The following LAMA4 variants were observed in gnomAD, a reference collection of about 807,000 sequenced individuals.
LAMA4 encodes laminin subunit alpha-4.
LAMA4 carries 127 observed loss-of-function variants against 207.1 expected under a neutral mutation model. The ratio of observed to expected loss-of-function variants is 0.61; its 90% CI spans 0.53 to 0.71. The LOEUF (loss-of-function observed/expected upper bound fraction) is 0.71, where lower values mean the gene tolerates loss of function less well. Among genes scored for constraint, LAMA4 ranks in the 30% least tolerant of loss-of-function variants. The probability of loss-of-function intolerance (pLI) is 0.00; values close to 1 mark genes in which losing one functional copy is unlikely to be tolerated. For synonymous variants in LAMA4, 761 were observed against 816.0 expected (o/e 0.93, Z 1.15); for missense variants, 2,093 against 2,246.5 (o/e 0.93, Z 1.38).
At chr6:112,205,451 T>A (rs541932807) in intron 4 of LAMA4, among the ~76,000 whole-genome samples, 1 of 151,196 alleles carries the variant, frequency 6.6e-6, no homozygotes, top group East Asian at 2.0e-4. Context: ...TGACTTCAAA[T>A]CCCATGGAAA....
chr6:112,201,594 T>C lies in LAMA4; in HGVS notation c.503+14A>G. On this transcript the variant is annotated intron_variant, in intron 5 of 38. Coordinates refer to ENST00000230538, the MANE Select transcript of LAMA4 (RefSeq NM_001105206.3). ...TTTGACCCACACAGAAAATAGAGAA[T>C]TTTATTGGCTTACCTTTCACAGTTA... 6.2e-7 allele frequency: 1 copy of C among 1,608,842 alleles called. No individual in the cohort carries two copies. Among genetic ancestry groups the C allele is most frequent in the Non-Finnish European group, 8.5e-7 (1 of 1,175,222 alleles).
intron 12 of LAMA4, among the ~76,000 whole-genome samples, chr6:112,169,643 C>T (rs1292619499): frequency 1.1e-4 from 16 of 152,204 alleles, no homozygotes; most frequent in Admixed American, 6.5e-4. Context: ...AATTCCTCAA[C>T]GCTATGCTGT....
intron 4 of LAMA4, among the ~76,000 whole-genome samples, chr6:112,203,493 G>A (rs906583679): frequency 3.3e-5 from 5 of 152,160 alleles, no homozygotes; most frequent in African/African-American, 1.2e-4. Context: ...AAGAGGCAAT[G>A]GGCATTTGAT....
intron 19 of LAMA4, 143 bp from the exon 20 acceptor site, chr6:112,142,435 G>A: frequency 2.5e-6 from 2 of 798,252 alleles, no homozygotes. Context: ...TCCCCTAGTT[G>A]AAGAGAAGAC....
At position 112,139,222 on chromosome 6, in the gene LAMA4, C is replaced by T; in HGVS notation, c.3180G>A (p.Val1060=). 1 of 1,614,184 alleles carries T rather than the reference C, an allele frequency of 6.2e-7. No individual in the cohort carries two copies. Among genetic ancestry groups the T allele is most frequent in the Non-Finnish European group, 8.5e-7 (1 of 1,180,004 alleles). ...YFFDGSGYAV[V]RDITRRGKFG... is the part of the protein sequence containing the mutation. ...ATTTCCCTCTCCTTGTGATGTCTCT[C>T]ACCACGGCATAACCGGAGCCATCGA... The change falls in exon 24 of 39, where the codon GTG becomes GTA. Residue 1060 remains valine (V), a synonymous_variant. Coordinates refer to ENST00000230538, the MANE Select transcript of LAMA4 (RefSeq NM_001105206.3).
At chr6:112,224,955 T>C (rs1267412712) in intron 2 of LAMA4, among the ~76,000 whole-genome samples, 1 of 151,486 alleles carries the variant, frequency 6.6e-6, no homozygotes. Flanking sequence ...TTTTTTTAAT[T>C]TAATTTTTTT....
At chr6:112,110,614 A>G (rs1777637607) in intron 38 of LAMA4, among the ~76,000 whole-genome samples, 2 of 152,246 alleles carry the variant, frequency 1.3e-5, no homozygotes, top group Admixed American at 6.5e-5. Context: ...TTGTCTCTAG[A>G]TTAGTGTGAC....
intron 9 of LAMA4, 130 bp from the exon 10 acceptor site, chr6:112,178,362 C>T: frequency 1.4e-6 from 1 of 698,832 alleles, no homozygotes; most frequent in South Asian, 1.6e-5. Context: ...AGTTCTATAA[C>T]ACATGAAATC....
intron 2 of LAMA4, among the ~76,000 whole-genome samples, chr6:112,226,114 C>G (rs1475269605): frequency 1.3e-5 from 2 of 152,110 alleles, no homozygotes; most frequent in Non-Finnish European, 2.9e-5. Context: ...TGGTGTTTCT[C>G]TCTCGGATAA....
At chr6:112,150,436 C>A in intron 17 of LAMA4, 75 bp downstream of exon 17, 1 of 905,530 alleles carries the variant, frequency 1.1e-6, no homozygotes, top group South Asian at 1.3e-5. Flanking sequence ...AAAGAATTAC[C>A]TAATCCTTCC....
At chr6:112,237,581 G>A (rs1265241292) in intron 2 of LAMA4, among the ~76,000 whole-genome samples, 1 of 152,196 alleles carries the variant, frequency 6.6e-6, no homozygotes, top group Non-Finnish European at 1.5e-5. Flanking sequence ...TGAACCCTCA[G>A]GCATTTCCAT....
intron 12 of LAMA4, among the ~76,000 whole-genome samples, chr6:112,167,289 C>T (rs143751097): frequency 1.4e-4 from 22 of 152,282 alleles, no homozygotes; most frequent in African/African-American, 5.1e-4. Flanking sequence ...GTAATCCCAG[C>T]TACTTGGGAG....
At chr6:112,150,118 C>T (rs2114749938) in intron 17 of LAMA4, among the ~76,000 whole-genome samples, 1 of 151,392 alleles carries the variant, frequency 6.6e-6, no homozygotes. Flanking sequence ...AATCCAATAA[C>T]CAAATTAGGG....
chr6:112,253,927 G>C (rs1554190425), intron 2 of LAMA4, 29 bp downstream of exon 2: 1 of 1,610,280 alleles, frequency 6.2e-7, no homozygotes, highest in Admixed American at 1.7e-5. Flanking sequence ...AGGTGCCCCA[G>C]CAGGGTGGCA....
At chr6:112,109,707 A>G in intron 38 of LAMA4, 125 bp from the exon 39 acceptor site, 1 of 998,066 alleles carries the variant, frequency 1.0e-6, no homozygotes, top group African/African-American at 1.7e-5. Context: ...CAAAAATAGA[A>G]CATAGTTATA....
chr6:112,246,895 TG>T (rs1403830190), intron 2 of LAMA4, among the ~76,000 whole-genome samples: 1 of 152,210 alleles, frequency 6.6e-6, no homozygotes. Flanking sequence ...CTCCTATTGC[TG>T]GGGAAAGGCT....
chr6:112,141,615 T>C (rs958757805), intron 20 of LAMA4, 112 bp from the exon 21 acceptor site: 3 of 831,816 alleles, frequency 3.6e-6, no homozygotes, highest in Non-Finnish European at 4.0e-6. Flanking sequence ...AAGTGACTTC[T>C]GGCCTGAATT....
intron 7 of LAMA4, among the ~76,000 whole-genome samples, chr6:112,188,451 C>T (rs1220261402): frequency 2.0e-5 from 3 of 152,122 alleles, no homozygotes; most frequent in Non-Finnish European, 2.9e-5. Flanking sequence ...ATGGCATCTT[C>T]TAAGATGTAA....
chr6:112,170,354 A>G (rs1469514815), intron 12 of LAMA4, among the ~76,000 whole-genome samples: 1 of 152,284 alleles, frequency 6.6e-6, no homozygotes, highest in East Asian at 1.9e-4. Context: ...TTCTCATTTC[A>G]GGGCTTGCAG....
Sources: allele counts gnomAD v4.1 joint callset (sites outside exome capture counted in the v4.1 genomes callset), GRCh38; gene constraint gnomAD v4.1.1; transcripts MANE v1.5; gene names NCBI Gene and HGNC (gene_info 2026-07-23, HGNC 2026-07-21).